Variants in MYH9 observed in about 807,000 individuals in gnomAD.
The protein encoded by MYH9 is myosin heavy chain 9, also known as myosin-9.
In MYH9, 29 loss-of-function variants were observed where a neutral mutation model predicts 241.9. The observed-to-expected ratio is 0.12, with a 90% CI of 0.09 to 0.16. MYH9 has a LOEUF of 0.16. MYH9 is among the 10% of genes least tolerant of loss of function. MYH9 has a pLI of 1.00. For missense variants in MYH9, 1,803 were observed against 2,595.5 expected (o/e 0.69, Z 6.63); for synonymous variants, 1,047 against 1,062.6 (o/e 0.99, Z 0.29).
At position 36,285,828 on chromosome 22, in the gene MYH9, C is replaced by T. The variant is rs779869924; in HGVS notation, c.5150+37G>A. ...TGAGGGGCCTACCCTGGGGACACAC[C>T]TGGTCCCCCCCAACTCTGCCCCCTC... is the stretch of plus-strand genomic sequence containing the variant. On this transcript the variant is annotated intron_variant, in intron 36 of 40. Transcript: ENST00000216181. This position sits in a 1 kb window ranked among gnomAD's most constrained non-coding sequence, Gnocchi z 7.0. The T allele has an allele frequency of 1.2e-6, 2 of 1,613,538 alleles. No individual in the cohort carries two copies. The highest frequency in any genetic ancestry group is 1.7e-6 in the Non-Finnish European group (2 of 1,179,926).
chr22:36,380,065 G>T (rs1240861647), intron 1 of MYH9, among the ~76,000 whole-genome samples: 2 of 152,192 alleles, frequency 1.3e-5, no homozygotes, highest in African/African-American at 4.8e-5. Flanking sequence ...ATGCAGTGGC[G>T]GTCCCATTTT....
chr22:36,300,195 C>G lies in MYH9; in HGVS notation c.2908G>C (p.Glu970Gln). 6.2e-7 allele frequency: 1 copy of G among 1,613,514 alleles called. No homozygotes were observed. The highest frequency in any genetic ancestry group is 8.5e-7 in the Non-Finnish European group (1 of 1,180,016). ...TCCTCCAGCTTTTTCAGCTTCGCCT[C>G]GGTGGTCACCTTCTCCAGCTGCAGC... ...QKLQLEKVTTEAKLKKLEEEQ... is the reference protein window; with the variant it reads ...QKLQLEKVTTQAKLKKLEEEQ... Residue 970 changes from glutamate (E) to glutamine (Q), a missense_variant, in exon 23 of 41, where the codon GAG becomes CAG. Physicochemically the swap from Glu to Gln is conservative, Grantham distance 29. Coordinates refer to ENST00000216181, the MANE Select transcript of MYH9 (RefSeq NM_002473.6). The surrounding 1 kb of genome is among the most constrained non-coding windows in gnomAD (Gnocchi z 5.0).
Position 36,285,407 on chromosome 22 carries a change from G to T in MYH9, c.5275-78C>A. ...GCATGAGCAGGGCCAGAGGAAGGTGGCAGCAGGATCCCACCAAACCCTTGG... is the reference window on the plus strand; with the variant it reads ...GCATGAGCAGGGCCAGAGGAAGGTGTCAGCAGGATCCCACCAAACCCTTGG... On this transcript the variant is annotated intron_variant, in intron 37 of 40. Coordinates refer to ENST00000216181, the MANE Select transcript of MYH9 (RefSeq NM_002473.6). The surrounding 1 kb of genome is among the most constrained non-coding windows in gnomAD (Gnocchi z 7.0). 1 of 1,490,408 alleles carries T rather than the reference G, an allele frequency of 6.7e-7. No homozygotes were observed. The highest frequency in any genetic ancestry group is 9.3e-7 in the Non-Finnish European group (1 of 1,080,824). 92.3% of individuals were successfully genotyped at this position (1,490,408 alleles called of 1,614,324 possible).
At chr22:36,294,051 A>C in intron 28 of MYH9, 41 bp downstream of exon 28, 1 of 1,597,646 alleles carries the variant, frequency 6.3e-7, no homozygotes, top group Non-Finnish European at 8.5e-7. Context: ...AACTGCTGCT[A>C]GGGCCCACTG....
At position 36,305,784 on chromosome 22, in the gene MYH9, G is replaced by T; in HGVS notation, c.2159+146C>A. 8.7e-7 allele frequency: 1 copy of T among 1,155,538 alleles called. No homozygotes were observed. Among genetic ancestry groups the T allele is most frequent in the East Asian group, 2.4e-5 (1 of 41,764 alleles). The allele number at this position is 1,155,538 out of a possible 1,614,324, so 71.6% of individuals were successfully genotyped here. ...AAGGGTGGAAAAGAGAAGGAGGTGGGGAAGAGCTGGCCAGACTCAGTTCTA... is the reference window on the plus strand; with the variant it reads ...AAGGGTGGAAAAGAGAAGGAGGTGGTGAAGAGCTGGCCAGACTCAGTTCTA... On this transcript the variant is annotated intron_variant, in intron 17 of 40. Coordinates refer to ENST00000216181, the MANE Select transcript of MYH9 (RefSeq NM_002473.6). The surrounding 1 kb of genome is among the most constrained non-coding windows in gnomAD (Gnocchi z 4.7).
At chr22:36,294,322 G>A (rs758609310) in intron 27 of MYH9, 24 bp from the exon 28 acceptor site, 19 of 1,609,654 alleles carry the variant, frequency 1.2e-5, no homozygotes, top group East Asian at 2.2e-5. Context: ...AAGCAAAGAC[G>A]TGAGTGGGGG....
Position 36,312,585 on chromosome 22 carries a change from G to A in MYH9, c.1555-363C>T, listed in dbSNP as rs139746411. ...AACAAGTACCCTGTGATCCTGCCAC[G>A]GGAGATGCCAACCCACATGCTTTGC... On this transcript the variant is annotated intron_variant, in intron 13 of 40. Transcript: ENST00000216181. Among the ~76,000 whole-genome samples the A allele has an allele frequency of 1.1e-4, 16 of 152,268 alleles. No homozygotes were observed. In the East Asian group the frequency reaches 3.1e-3, roughly 29 times the overall value.
At chr22:36,381,041 C>A (rs2018248154) in intron 1 of MYH9, among the ~76,000 whole-genome samples, 1 of 152,130 alleles carries the variant, frequency 6.6e-6, no homozygotes, top group Admixed American at 6.5e-5. Context: ...GGGAAGAAAA[C>A]AGGACCCAAA....
intron 1 of MYH9, among the ~76,000 whole-genome samples, chr22:36,379,900 TG>T (rs1474440101): frequency 6.6e-6 from 1 of 152,194 alleles, no homozygotes; most frequent in Non-Finnish European, 1.5e-5. Flanking sequence ...AAGCTAATCG[TG>T]GGAATGGGAA....
At chr22:36,324,164 C>T (rs113681180) in intron 5 of MYH9, among the ~76,000 whole-genome samples, 5 of 152,262 alleles carry the variant, frequency 3.3e-5, no homozygotes, top group African/African-American at 9.6e-5. Flanking sequence ...GGACCACACG[C>T]TGTTGCCGTG....
intron 28 of MYH9, 38 bp downstream of exon 28, chr22:36,294,054 G>A: frequency 2.1e-5 from 34 of 1,600,534 alleles, no homozygotes; most frequent in Non-Finnish European, 2.9e-5. Context: ...TGCTGCTAGG[G>A]CCCACTGCCC....
chr22:36,307,131 T>C (rs146986626), intron 15 of MYH9, among the ~76,000 whole-genome samples: 1 of 152,300 alleles, frequency 6.6e-6, no homozygotes, highest in Admixed American at 6.5e-5. Context: ...TGCAGAACCT[T>C]GCAGGGTCCC....
chr22:36,292,234 C>T lies in MYH9; in HGVS notation c.4096G>A (p.Val1366Met), dbSNP rs1415779926. 1 of 1,613,850 alleles carries T rather than the reference C, an allele frequency of 6.2e-7. No individual in the cohort carries two copies. Among genetic ancestry groups the T allele is most frequent in the East Asian group, 2.2e-5 (1 of 44,874 alleles). Residue 1366 changes from valine to methionine, a missense_variant and splice_region_variant, in exon 31 of 41, where the codon GTG becomes ATG. Around this residue, in one of 11 missense-constraint regions of MYH9, gnomAD observed 876 missense variants for 1,077.8 expected, o/e 0.81. Coordinates refer to ENST00000216181, the MANE Select transcript of MYH9 (RefSeq NM_002473.6). ...EKQIATLHAQ[V>M]ADMKKKMEDS... ...TCCATCTTCTTTTTCATGTCGGCCA[C>T]CTGGGCAGGAGCAAGGAGTAAGCAG...
chr22:36,325,983 C>T (rs1273229069), intron 5 of MYH9, among the ~76,000 whole-genome samples: 1 of 152,190 alleles, frequency 6.6e-6, no homozygotes, highest in African/African-American at 2.4e-5. Flanking sequence ...GGGCAGAACA[C>T]GCATTCCCAG....
At chr22:36,290,055 C>T (rs915777953) in intron 31 of MYH9, among the ~76,000 whole-genome samples, 2 of 152,100 alleles carry the variant, frequency 1.3e-5, no homozygotes, top group Admixed American at 6.5e-5. Context: ...ATCCTGCCCC[C>T]GAGTCCACAT....
chr22:36,286,336 C>T (rs550082816), intron 35 of MYH9, among the ~76,000 whole-genome samples: 4 of 152,194 alleles, frequency 2.6e-5, no homozygotes, highest in Admixed American at 1.3e-4. Flanking sequence ...TGGACGCACT[C>T]GCAGCCGGCA....
intron 1 of MYH9, among the ~76,000 whole-genome samples, chr22:36,353,102 C>CGTGTGTGTGTGTGT (rs71323001): frequency 7.0e-6 from 1 of 142,876 alleles, no homozygotes; most frequent in South Asian, 2.1e-4. Flanking sequence ...CCTCTGGGGG[C>CGTGTGTGTGTGTGT]GTGTGTGTGT....
rs11912763 is a variant in MYH9, at chr22:36,288,676, G to A, written c.4770+51C>T. 16,485 of 1,591,756 alleles carry A rather than the reference G, an allele frequency of 0.01. 1,682 individuals are homozygous for A. In the African/African-American group the frequency reaches 0.2, roughly 20 times the overall value. On this transcript the variant is annotated intron_variant, in intron 33 of 40. Coordinates refer to ENST00000216181, the MANE Select transcript of MYH9 (RefSeq NM_002473.6). The surrounding 1 kb of genome is among the most constrained non-coding windows in gnomAD (Gnocchi z 4.8). The stretch of plus-strand genomic sequence containing the variant: ...GGAAGGAGAGAACAGAAGCCTGCGT[G>A]AAGCCAAGGCAGCCTTGGGCACCCA...
rs1569534981 is a variant in MYH9 at position 36,294,307 on chromosome 22, G to A, written c.3631-9C>T. ...TCGAGGTTTGCTTTCACCTAGCAGG[G>A]AAGAAAGCAAAGACGTGAGTGGGGG... is the stretch of plus-strand genomic sequence containing the variant. On this transcript the variant is annotated splice_polypyrimidine_tract_variant and intron_variant, in intron 27 of 40. Coordinates refer to ENST00000216181, the MANE Select transcript of MYH9 (RefSeq NM_002473.6). The A allele has an allele frequency of 1.2e-6, 2 of 1,613,144 alleles. No individual in the cohort carries two copies. The highest frequency in any genetic ancestry group is 1.7e-6 in the Non-Finnish European group (2 of 1,180,008).
Sources: allele counts gnomAD v4.1 joint callset (sites outside exome capture counted in the v4.1 genomes callset), GRCh38; gene constraint gnomAD v4.1.1; regional missense constraint gnomAD v4.1.1; non-coding constraint Gnocchi (gnomAD v3.1); transcripts MANE v1.5; gene names NCBI Gene and HGNC (gene_info 2026-07-23, HGNC 2026-07-21).